NAALADL2: variants seen among roughly 807,000 people sequenced by gnomAD.
NAALADL2 encodes N-acetylated alpha-linked acidic dipeptidase like 2.
Under a neutral mutation model 87.2 loss-of-function variants are expected in NAALADL2, and 76 were observed. The ratio of observed to expected loss-of-function variants is 0.87; its 90% CI spans 0.72 to 1.05. The LOEUF (loss-of-function observed/expected upper bound fraction) is 1.05. Ranked by LOEUF, NAALADL2 falls within the 50% of genes least tolerant of loss-of-function variation. The pLI, the probability that NAALADL2 is intolerant of heterozygous loss-of-function variation, is 0.00. For synonymous variants in NAALADL2, 354 were observed against 331.0 expected (o/e 1.07, Z -0.75); for missense variants, 1,089 against 945.8 (o/e 1.15, Z -1.99).
chr3:174,825,060 C>A (rs1236106025), intron 3 of NAALADL2, among the ~76,000 whole-genome samples: 1 of 152,132 alleles, frequency 6.6e-6, no homozygotes, highest in East Asian at 1.9e-4. Context: ...TTTTTTATCT[C>A]TAGGCTTTCT....
intron 10 of NAALADL2, among the ~76,000 whole-genome samples, chr3:175,595,863 C>G (rs760959661): frequency 6.6e-6 from 1 of 151,930 alleles, no homozygotes; most frequent in Admixed American, 6.6e-5. Flanking sequence ...CTACCAATGT[C>G]ATTCTTCAGA....
chr3:175,361,096 C>T (rs1321745957), intron 5 of NAALADL2, among the ~76,000 whole-genome samples: 2 of 151,728 alleles, frequency 1.3e-5, no homozygotes, highest in Non-Finnish European at 2.9e-5. Context: ...TCAATTCCCA[C>T]CTATGAGTGA....
chr3:174,869,025 G>T (rs2109593764), intron 1 of NAALADL2, among the ~76,000 whole-genome samples: 1 of 152,226 alleles, frequency 6.6e-6, no homozygotes, highest in Non-Finnish European at 1.5e-5. Context: ...ATGGGAGAGA[G>T]AGAAGATAAA....
At chr3:174,818,249 T>G (rs1304752182) in intron 3 of NAALADL2, among the ~76,000 whole-genome samples, 3 of 152,162 alleles carry the variant, frequency 2.0e-5, no homozygotes, top group Admixed American at 1.3e-4. Context: ...CCTCTGACTT[T>G]AAGATGGTCA....
chr3:175,590,111 C>T (rs1721180271), intron 10 of NAALADL2, among the ~76,000 whole-genome samples: 1 of 151,964 alleles, frequency 6.6e-6, no homozygotes, highest in Admixed American at 6.6e-5. Flanking sequence ...ACTCAGCAGG[C>T]TGAGGCAGGA....
intron 2 of NAALADL2, among the ~76,000 whole-genome samples, chr3:174,722,276 A>G (rs1466460666): frequency 1.3e-5 from 2 of 152,182 alleles, no homozygotes; most frequent in Non-Finnish European, 2.9e-5. Flanking sequence ...AATCCTTTTC[A>G]TTTCCTGAGA....
At chr3:174,973,024 A>ATTTAAAC (rs1404559903) in intron 1 of NAALADL2, among the ~76,000 whole-genome samples, 1 of 151,704 alleles carries the variant, frequency 6.6e-6, no homozygotes, top group Non-Finnish European at 1.5e-5. Context: ...ATCCCACTTA[A>ATTTAAAC]TTTAAACTGG....
At chr3:175,622,475 AGT>A (rs1226835304) in intron 10 of NAALADL2, among the ~76,000 whole-genome samples, 1 of 152,130 alleles carries the variant, frequency 6.6e-6, no homozygotes, top group Non-Finnish European at 1.5e-5. Flanking sequence ...CAATTTCTAT[AGT>A]GTTCTCTGTA....
chr3:175,517,612 T>A (rs912133524), intron 9 of NAALADL2, among the ~76,000 whole-genome samples: 1 of 152,160 alleles, frequency 6.6e-6, no homozygotes, highest in Non-Finnish European at 1.5e-5. Context: ...ACAATTAGAA[T>A]TGACAACAAA....
At chr3:175,137,659 G>A (rs1729324101) in intron 2 of NAALADL2, among the ~76,000 whole-genome samples, 1 of 148,656 alleles carries the variant, frequency 6.7e-6, no homozygotes, top group Non-Finnish European at 1.5e-5. Context: ...AGGCTAGAGT[G>A]CAATGGCTCA....
intron 2 of NAALADL2, among the ~76,000 whole-genome samples, chr3:174,611,747 C>T (rs1354742943): frequency 3.3e-5 from 5 of 151,632 alleles, no homozygotes; most frequent in African/African-American, 1.2e-4. Context: ...CATGCCGCCA[C>T]GCCTGGCTAA....
chr3:174,805,691 T>C (rs919357924), intron 3 of NAALADL2, among the ~76,000 whole-genome samples: 3 of 152,132 alleles, frequency 2.0e-5, no homozygotes, highest in African/African-American at 7.2e-5. Flanking sequence ...TGCAATAAAA[T>C]AGAGACTACT....
intron 1 of NAALADL2, among the ~76,000 whole-genome samples, chr3:174,549,240 T>C (rs1416707740): frequency 6.6e-6 from 1 of 152,208 alleles, no homozygotes; most frequent in African/African-American, 2.4e-5. Flanking sequence ...TTGTTAAAGG[T>C]TTCCTAGTAC....
chr3:174,887,299 A>G (rs1730281271), intron 1 of NAALADL2, among the ~76,000 whole-genome samples: 1 of 152,206 alleles, frequency 6.6e-6, no homozygotes, highest in Non-Finnish European at 1.5e-5. Flanking sequence ...TCACTTAACT[A>G]CATACTTGCT....
chr3:175,266,647 T>A (rs1234440486), intron 4 of NAALADL2, among the ~76,000 whole-genome samples: 1 of 151,762 alleles, frequency 6.6e-6, no homozygotes, highest in East Asian at 1.9e-4. Flanking sequence ...ATAATTCTTA[T>A]ACAAAGATAA....
chr3:175,371,278 A>AT (rs1439074190), intron 5 of NAALADL2, among the ~76,000 whole-genome samples: 3 of 151,934 alleles, frequency 2.0e-5, no homozygotes, highest in Non-Finnish European at 2.9e-5. Flanking sequence ...TATTATTATT[A>AT]TTTTTTGAGA....
chr3:175,192,386 A>G (rs1278431429), intron 2 of NAALADL2, among the ~76,000 whole-genome samples: 2 of 152,100 alleles, frequency 1.3e-5, no homozygotes, highest in Non-Finnish European at 2.9e-5. Flanking sequence ...TATGAATAGT[A>G]TATGCTCTAC....
chr3:175,750,085 C>T (rs1316834208), intron 12 of NAALADL2, among the ~76,000 whole-genome samples: 1 of 152,112 alleles, frequency 6.6e-6, no homozygotes, highest in Non-Finnish European at 1.5e-5. Flanking sequence ...TGGATTAAGT[C>T]CAATTTAGAG....
At chr3:175,486,347 A>G (rs1441610458) in intron 9 of NAALADL2, among the ~76,000 whole-genome samples, 1 of 152,110 alleles carries the variant, frequency 6.6e-6, no homozygotes, top group African/African-American at 2.4e-5. Flanking sequence ...GCTCACCTCT[A>G]GGACTCATGG....
Sources: gnomAD v4.1 joint callset for allele counts (sites outside exome capture counted in the v4.1 genomes callset) on GRCh38, gnomAD v4.1.1 for gene constraint, MANE v1.5 for transcripts, NCBI Gene and HGNC (gene_info 2026-07-23, HGNC 2026-07-21) for gene names.